The following ERFL variants were observed in gnomAD, a reference collection of about 807,000 sequenced individuals.
ERFL encodes the protein ETS domain-containing transcription factor ERF-like.
A neutral mutation model predicts 27.9 loss-of-function variants in ERFL; 8 were observed. The ratio of observed to expected loss-of-function variants is 0.29; its 90% CI spans 0.17 to 0.52. The LOEUF (loss-of-function observed/expected upper bound fraction) is 0.52, where lower values mean the gene tolerates loss of function less well. Among genes scored for constraint, ERFL ranks in the 20% least tolerant of loss-of-function variants. ERFL has a pLI of 0.97. For missense variants in ERFL, 294 were observed against 444.4 expected (o/e 0.66, Z 3.04); for synonymous variants, 174 against 202.8 (o/e 0.86, Z 1.21).
In ERFL at chr19:41,910,554, C is replaced by T. The variant is rs1568829711; in HGVS notation, c.68-457G>A. On this transcript the variant is annotated intron_variant, in intron 2 of 5. Coordinates refer to ENST00000597630, the MANE Select transcript of ERFL (RefSeq NM_001365103.2). The surrounding 1 kb of genome is among the most constrained non-coding windows in gnomAD (Gnocchi z 4.4). Reference sequence around the variant, plus strand: ...GTTCCCCATTCCCTGTCCCCTGCTCCACCTTTCGACATTCCCCAGAGCCCC... The same window carrying T: ...GTTCCCCATTCCCTGTCCCCTGCTCTACCTTTCGACATTCCCCAGAGCCCC... Among the ~76,000 whole-genome samples the T allele has an allele frequency of 1.3e-5, 2 of 152,170 alleles. No individual in the cohort carries two copies. The highest frequency in any genetic ancestry group is 2.9e-5 in the Non-Finnish European group (2 of 68,032).
intron 1 of ERFL, among the ~76,000 whole-genome samples, chr19:41,918,591 A>G (rs887944318): frequency 2.7e-5 from 4 of 148,610 alleles, no homozygotes; most frequent in Admixed American, 1.3e-4. Context: ...CAGTACATAC[A>G]CTACCCATCA....
rs903076928 is a variant in ERFL, at chr19:41,916,721, G to A, written c.-13-3789C>T. ...TATGCACTTGGTCACGCATGGAGCCGTAGAGATACACACACCAGCACCAAC... is the reference window on the plus strand; with the variant it reads ...TATGCACTTGGTCACGCATGGAGCCATAGAGATACACACACCAGCACCAAC... On this transcript the variant is annotated intron_variant, in intron 1 of 5. Coordinates refer to ENST00000597630, the MANE Select transcript of ERFL (RefSeq NM_001365103.2). This position sits in a 1 kb window ranked among gnomAD's most constrained non-coding sequence, Gnocchi z 5.4. Among the ~76,000 whole-genome samples the A allele has an allele frequency of 1.3e-5, 2 of 151,548 alleles. No homozygotes were observed. The highest frequency in any genetic ancestry group is 2.1e-4 in the South Asian group (1 of 4,804).
chr19:41,915,207 C>G (rs777806526), intron 1 of ERFL, among the ~76,000 whole-genome samples: 4 of 147,118 alleles, frequency 2.7e-5, no homozygotes, highest in African/African-American at 7.6e-5. Context: ...AACTCCCCGC[C>G]GCCTCCTCCG....
chr19:41,915,495 T>C (rs548969169), intron 1 of ERFL, among the ~76,000 whole-genome samples: 6 of 152,046 alleles, frequency 3.9e-5, no homozygotes, highest in Non-Finnish European at 7.4e-5. Context: ...CGTCTCTGTG[T>C]CCCCATGTCT....
chr19:41,912,575 CG>C (rs2074759380), intron 2 of ERFL, among the ~76,000 whole-genome samples: 1 of 152,216 alleles, frequency 6.6e-6, no homozygotes, highest in Non-Finnish European at 1.5e-5. Context: ...CAGGGATGCC[CG>C]GGCCTCGGGC....
intron 1 of ERFL, among the ~76,000 whole-genome samples, chr19:41,926,718 G>A (rs984113778): frequency 2.0e-5 from 3 of 152,172 alleles, no homozygotes; most frequent in Admixed American, 2.0e-4. Context: ...GGCCGGGAGG[G>A]GGGAGCGGGC....
Position 41,908,609 on chromosome 19 carries a change from G to C in ERFL, c.684C>G (p.Pro228=), listed in dbSNP as rs560106559. 7.2e-4 allele frequency: 881 copies of C among 1,231,788 alleles called. 4 individuals are homozygous for C. In the African/African-American group the frequency reaches 0.013, roughly 18 times the overall value. 76.3% of individuals were successfully genotyped at this position (1,231,788 alleles called of 1,614,324 possible). A position where few individuals can be genotyped will look rare whatever the true frequency, so the allele number is the denominator to read the frequency against. Residue 228 remains proline (P), a synonymous_variant, in exon 6 of 6, where the codon CCC becomes CCG. Transcript: ENST00000597630. The surrounding 1 kb of genome is among the most constrained non-coding windows in gnomAD (Gnocchi z 6.7). ...GPYGRAFPEY[P]WNFNPYLTGP... ...CCGTGAGGTACGGGTTAAAGTTCCA[G>C]GGGTACTCAGGGAAGGCGCGGCCAT...
rs1396915231 is a variant in ERFL at position 41,910,138 on chromosome 19, C to G, written c.68-41G>C. On this transcript the variant is annotated intron_variant, in intron 2 of 5. Transcript: ENST00000597630. This position sits in a 1 kb window ranked among gnomAD's most constrained non-coding sequence, Gnocchi z 4.4. ...AGGGAGTGGCCTGGGGTCAGGATGC[C>G]AAGTCCAGGGCTCTGGGTCCTGCTG... 1.3e-6 allele frequency: 2 copies of G among 1,575,180 alleles called. No individual in the cohort carries two copies. Among genetic ancestry groups the G allele is most frequent in the African/African-American group, 2.7e-5 (2 of 74,112 alleles).
At chr19:41,927,385 C>G (rs1555853361) in intron 1 of ERFL, among the ~76,000 whole-genome samples, 2 of 152,234 alleles carry the variant, frequency 1.3e-5, no homozygotes, top group Non-Finnish European at 1.5e-5. Context: ...TACCAAATAT[C>G]CAGACCCCAG....
chr19:41,916,838 C>G lies in ERFL; in HGVS notation c.-13-3906G>C, dbSNP rs572021919. ...CACCAAGATCACGGACCCAAACATACGACCGACAGCGGCCCCTGCAGAGGT... is the reference window on the plus strand; with the variant it reads ...CACCAAGATCACGGACCCAAACATAGGACCGACAGCGGCCCCTGCAGAGGT... On this transcript the variant is annotated intron_variant, in intron 1 of 5. Coordinates refer to ENST00000597630, the MANE Select transcript of ERFL (RefSeq NM_001365103.2). This position sits in a 1 kb window ranked among gnomAD's most constrained non-coding sequence, Gnocchi z 5.4. Among the ~76,000 whole-genome samples the G allele has an allele frequency of 2.4e-5, 3 of 127,366 alleles. No homozygotes were observed. Among genetic ancestry groups the G allele is most frequent in the Non-Finnish European group, 4.4e-5 (3 of 67,576 alleles). 83.6% of individuals were successfully genotyped at this position (127,366 alleles called of 152,430 possible). A position where few individuals can be genotyped will look rare whatever the true frequency, so the allele number is the denominator to read the frequency against.
At chr19:41,912,192 AAGAC>A (rs2074756442) in intron 2 of ERFL, among the ~76,000 whole-genome samples, 2 of 152,176 alleles carry the variant, frequency 1.3e-5, no homozygotes, top group African/African-American at 2.4e-5. Context: ...AGCTCACACA[AAGAC>A]AGGCTGTGCA....
Position 41,916,062 on chromosome 19 carries a change from ATG to A in ERFL, c.-13-3132_-13-3131del, listed in dbSNP as rs1401572443. 2.6e-4 allele frequency among the ~76,000 whole-genome samples: 40 copies of A among 151,510 alleles called. No homozygotes were observed. In the South Asian group the frequency reaches 6.9e-3, roughly 26 times the overall value. On this transcript the variant is annotated intron_variant, in intron 1 of 5. Coordinates refer to ENST00000597630, the MANE Select transcript of ERFL (RefSeq NM_001365103.2). This position sits in a 1 kb window ranked among gnomAD's most constrained non-coding sequence, Gnocchi z 5.4. ...CTACCGCCCGCAGCCATGGCACCGA[ATG>A]TGTGTGCGCATGTGAGCGAAGCGGT... is the stretch of plus-strand genomic sequence containing the variant.
At position 41,920,942 on chromosome 19, in the gene ERFL, C is replaced by T. The variant is rs149287204; in HGVS notation, c.-14+7098G>A. 5.7e-3 allele frequency among the ~76,000 whole-genome samples: 872 copies of T among 152,314 alleles called. 3 individuals are homozygous for T. Among genetic ancestry groups the T allele is most frequent in the Non-Finnish European group, 9.9e-3 (675 of 68,020 alleles). On this transcript the variant is annotated intron_variant, in intron 1 of 5. Coordinates refer to ENST00000597630, the MANE Select transcript of ERFL (RefSeq NM_001365103.2). ...CCCTCTCTGTCTCTGTCTCTGCCTC[C>T]GGCCCTGTGTGTGTGTCTCTGCATC... is the stretch of plus-strand genomic sequence containing the variant.
intron 1 of ERFL, among the ~76,000 whole-genome samples, chr19:41,920,298 C>T (rs1259783621): frequency 1.1e-4 from 15 of 138,338 alleles, no homozygotes; most frequent in East Asian, 2.1e-4. Context: ...CACAGACATG[C>T]GCTCACAGAC....
Position 41,916,554 on chromosome 19 carries a change from A to G in ERFL, c.-13-3622T>C, listed in dbSNP as rs1428854867. Among the ~76,000 whole-genome samples the G allele has an allele frequency of 1.3e-5, 2 of 152,088 alleles. No individual in the cohort carries two copies. Among genetic ancestry groups the G allele is most frequent in the Non-Finnish European group, 2.9e-5 (2 of 68,030 alleles). ...ATCACAAATCCTAGACACACTGTGTAAACACATAATCACACACTGAGGCTC... is the reference window on the plus strand; with the variant it reads ...ATCACAAATCCTAGACACACTGTGTGAACACATAATCACACACTGAGGCTC... On this transcript the variant is annotated intron_variant, in intron 1 of 5. Transcript: ENST00000597630. The surrounding 1 kb of genome is among the most constrained non-coding windows in gnomAD (Gnocchi z 5.4).
At chr19:41,918,563 C>T (rs1367312929) in intron 1 of ERFL, among the ~76,000 whole-genome samples, 3 of 148,908 alleles carry the variant, frequency 2.0e-5, no homozygotes, top group Non-Finnish European at 4.5e-5. Flanking sequence ...CATCACTAAC[C>T]CTCACATACA....
At chr19:41,914,811 C>T (rs797041994) in intron 1 of ERFL, among the ~76,000 whole-genome samples, 20 of 22,646 alleles carry the variant, frequency 8.8e-4, no homozygotes, top group South Asian at 1.9e-3. Flanking sequence ...CTCCCTCCCC[C>T]TCCACCGTGT....
Position 41,908,431 on chromosome 19 carries a change from C to T in ERFL, c.862G>A (p.Glu288Lys), listed in dbSNP as rs1005565273. ...GCCGCTGCCAGGCCCGAGGGGCGCT[C>T]GGGGCCCAGGCCCTCCCCTGTCGAG... is the stretch of plus-strand genomic sequence containing the variant. The part of the protein sequence containing the change: ...LASTGEGLGP[E>K]RPSGLAAAPR... Residue 288 changes from glutamate (E) to lysine (K), a missense_variant, in exon 6 of 6, where the codon GAG becomes AAG. Around this residue, in one of 3 missense-constraint regions of ERFL, gnomAD observed 246 missense variants for 371.4 expected, o/e 0.66. Coordinates refer to ENST00000597630, the MANE Select transcript of ERFL (RefSeq NM_001365103.2). The surrounding 1 kb of genome is among the most constrained non-coding windows in gnomAD (Gnocchi z 6.7). 2 of 1,231,214 alleles carry T rather than the reference C, an allele frequency of 1.6e-6. No homozygotes were observed. Among genetic ancestry groups the T allele is most frequent in the Non-Finnish European group, 2.0e-6 (2 of 987,626 alleles). 76.3% of individuals were successfully genotyped at this position (1,231,214 alleles called of 1,614,324 possible).
intron 1 of ERFL, among the ~76,000 whole-genome samples, chr19:41,919,464 G>A (rs2074824490): frequency 6.6e-6 from 1 of 151,588 alleles, no homozygotes; most frequent in Non-Finnish European, 1.5e-5. Flanking sequence ...ACTCAAGCTG[G>A]TACATTCAGC....
Sources: allele counts gnomAD v4.1 joint callset (sites outside exome capture counted in the v4.1 genomes callset), GRCh38; gene constraint gnomAD v4.1.1; regional missense constraint gnomAD v4.1.1; non-coding constraint Gnocchi (gnomAD v3.1); transcripts MANE v1.5; gene names NCBI Gene and HGNC (gene_info 2026-07-23, HGNC 2026-07-21).